The following NUDT16L1 variants were observed in gnomAD, a reference collection of about 807,000 sequenced individuals.
The protein encoded by NUDT16L1 is nudix hydrolase 16 like 1, also known as tudor-interacting repair regulator protein.
Under a neutral mutation model 17.3 loss-of-function variants are expected in NUDT16L1, and 19 were observed. The ratio of observed to expected loss-of-function variants is 1.10; its 90% CI spans 0.77 to 1.61. The LOEUF (loss-of-function observed/expected upper bound fraction) is 1.61. Ranked by LOEUF, NUDT16L1 falls within the 40% of genes most tolerant of loss-of-function variation. The probability of loss-of-function intolerance (pLI) is 0.00; values close to 1 mark genes in which losing one functional copy is unlikely to be tolerated. For synonymous variants in NUDT16L1, 255 were observed against 138.6 expected, an observed-to-expected ratio of 1.84 and a Z score of -5.90; for missense variants, 341 against 292.0, an observed-to-expected ratio of 1.17 and a Z score of -1.22.
At chr16:4,694,535 G>A in intron 2 of NUDT16L1, 3 of 1,470,482 alleles carry the variant, frequency 2.0e-6, no homozygotes, top group Non-Finnish European at 2.7e-6. Context: ...GATGGGGGAG[G>A]AGCGGGGATT....
exon 3 of NUDT16L1, chr16:4,695,410 C>G (rs1016276742): frequency 1.7e-6 from 1 of 596,008 alleles, no homozygotes; most frequent in South Asian, 2.0e-5. Flanking sequence ...GGGCCTGCCT[C>G]TCCAGCCTCA....
Position 4,694,131 on chromosome 16 carries a change from G to T in NUDT16L1, c.307G>T (p.Glu103Ter). The change falls in exon 2 of 3, where the codon GAG becomes TAG. Residue 103 changes from glutamate (E) to a stop codon, truncating the protein, a stop_gained. Transcript: ENST00000304301. LOFTEE classifies it high-confidence loss of function. ...CGACTACCTGAGCTCGCACCTGACC[G>T]AGGGCCCACACCGCGTCGTGGCGCA... is the stretch of plus-strand genomic sequence containing the variant. The T allele has an allele frequency of 6.3e-7, 1 of 1,589,030 alleles. No homozygotes were observed. Among genetic ancestry groups the T allele is most frequent in the Non-Finnish European group, 8.5e-7 (1 of 1,176,008 alleles).
intron 2 of NUDT16L1, 152 bp downstream of exon 2, chr16:4,694,390 G>A: frequency 6.7e-7 from 1 of 1,488,526 alleles, no homozygotes; most frequent in Non-Finnish European, 8.9e-7. Flanking sequence ...GAGGGGTCTG[G>A]GGCTGGGAGG....
exon 3 of NUDT16L1, chr16:4,695,617 T>TG (rs1567269516): frequency 2.4e-6 from 1 of 421,216 alleles, no homozygotes; most frequent in Non-Finnish European, 4.2e-6. Flanking sequence ...GTTCAGGGCC[T>TG]GGGGGAGAGC....
At position 4,694,542 on chromosome 16, in the gene NUDT16L1, G is replaced by A. The variant is rs1329300900; in HGVS notation, c.414+304G>A. 5 of 1,464,188 alleles carry A rather than the reference G, an allele frequency of 3.4e-6. No homozygotes were observed. The South Asian group carries it at 4.1e-5, about 12-fold the overall frequency. 90.7% of individuals were successfully genotyped at this position (1,464,188 alleles called of 1,614,324 possible). ...GAGGAAGGGATGGGGGAGGAGCGGG[G>A]ATTGCTTGGGGAGTTGGGAAACTTG... On this transcript the variant is annotated intron_variant, in intron 2 of 2. Coordinates refer to ENST00000304301, the Ensembl canonical transcript of NUDT16L1.
At chr16:4,694,043 G>A in exon 2 of NUDT16L1, 2 of 1,584,184 alleles carry the variant, frequency 1.3e-6, no homozygotes, top group African/African-American at 1.4e-5. Context: ...GCTTCTGGTC[G>A]CTGGAGGACG....
chr16:4,694,384 G>C, intron 2 of NUDT16L1, 146 bp downstream of exon 2: 2 of 1,485,598 alleles, frequency 1.3e-6, no homozygotes, highest in Non-Finnish European at 1.8e-6. Context: ...TGGGGAGAGG[G>C]GTCTGGGGCT....
At position 4,693,769 on chromosome 16, in the gene NUDT16L1, GTGGAGGCGATGCGCCTAGGGCCGGGC is replaced by G; in HGVS notation, c.49_74del (p.Ala17ProfsTer145). On this transcript the variant is annotated frameshift_variant, in exon 1 of 3. Transcript: ENST00000304301. LOFTEE classifies it high-confidence loss of function. ...TCCGGAGCTGAAGCAGATCAGCCGG[GTGGAGGCGATGCGCCTAGGGCCGGGC>G]TGGAGCCACTCGTGCCACGCCATGC... The G allele has an allele frequency of 2.6e-6, 4 of 1,565,068 alleles. No homozygotes were observed. The highest frequency in any genetic ancestry group is 3.4e-6 in the Non-Finnish European group (4 of 1,159,930).
chr16:4,693,650 C>T, upstream of NUDT16L1: 4 of 1,323,396 alleles, frequency 3.0e-6, no homozygotes, highest in Non-Finnish European at 3.9e-6. Flanking sequence ...CGGCCGCCCG[C>T]GGATTGGCGA....
At chr16:4,693,580 T>G (rs1298106330), upstream of NUDT16L1, 1 of 918,396 alleles carries the variant, frequency 1.1e-6, no homozygotes, top group Non-Finnish European at 1.4e-6. Flanking sequence ...ACCGCGGCGC[T>G]GCGAGGGGCT....
intron 2 of NUDT16L1, chr16:4,694,632 C>G: frequency 1.4e-6 from 2 of 1,419,698 alleles, no homozygotes; most frequent in South Asian, 1.5e-5. Context: ...GGGATTTGTA[C>G]TTTGTGGTCT....
At chr16:4,695,725 G>A in exon 3 of NUDT16L1, 1 of 399,848 alleles carries the variant, frequency 2.5e-6, no homozygotes, top group Non-Finnish European at 4.4e-6. Context: ...CTGTGGGTGA[G>A]GTTTCAAAGT....
chr16:4,693,728 T>C (rs1177069138), exon 1 of NUDT16L1: 2 of 1,529,280 alleles, frequency 1.3e-6, no homozygotes, highest in Admixed American at 4.0e-5. Context: ...AGTGCCAAGA[T>C]GTCGACGGCG....
exon 1 of NUDT16L1, chr16:4,693,771 G>T: frequency 6.4e-7 from 1 of 1,565,216 alleles, no homozygotes; most frequent in Non-Finnish European, 8.6e-7. Context: ...TCAGCCGGGT[G>T]GAGGCGATGC....
chr16:4,695,200 A>C (rs944168422), exon 3 of NUDT16L1: 3 of 1,606,064 alleles, frequency 1.9e-6, no homozygotes, highest in African/African-American at 1.3e-5. Flanking sequence ...AGCTGGTGGC[A>C]CCCTCCCCTG....
At chr16:4,694,422 T>TGGGGGCCGGCGCTGGGGC in intron 2 of NUDT16L1, 184 bp downstream of exon 2, 1 of 592,016 alleles carries the variant, frequency 1.7e-6, no homozygotes, top group Non-Finnish European at 2.5e-6. Context: ...GGGGCGGGGG[T>TGGGGGCCGGCGCTGGGGC]GGGGGCCGGC....
At chr16:4,695,757 G>C (rs2079528663) in exon 3 of NUDT16L1, 1 of 398,054 alleles carries the variant, frequency 2.5e-6, no homozygotes, top group Admixed American at 4.4e-5. Flanking sequence ...ACGTGGCTTG[G>C]TTCCCAGGGA....
At chr16:4,695,298 C>T (rs1380800331) in exon 3 of NUDT16L1, 1 of 1,001,014 alleles carries the variant, frequency 1.0e-6, no homozygotes, top group Non-Finnish European at 1.5e-6. Flanking sequence ...GAGTGGGCAT[C>T]CTGTCATCAT....
At chr16:4,694,794 C>G in intron 2 of NUDT16L1, 164 bp from the exon 3 acceptor site, 3 of 1,443,670 alleles carry the variant, frequency 2.1e-6, no homozygotes, top group Non-Finnish European at 2.7e-6. Context: ...CTGCACTGCT[C>G]CGAGGGAGCT....
Sources: gnomAD v4.1 joint callset for allele counts on GRCh38, gnomAD v4.1.1 for gene constraint, MANE v1.5 for transcripts, NCBI Gene and HGNC (gene_info 2026-07-23, HGNC 2026-07-21) for gene names.